The following NIPAL1 variants were observed in gnomAD, a reference collection of about 807,000 sequenced individuals.
NIPAL1 encodes the protein magnesium transporter NIPA3.
NIPAL1 carries 35 observed loss-of-function variants against 37.7 expected under a neutral mutation model. The observed-to-expected ratio is 0.93, with a 90% confidence interval of 0.71 to 1.23. The LOEUF (loss-of-function observed/expected upper bound fraction) is 1.23, where lower values mean the gene tolerates loss of function less well. Among genes scored for constraint, NIPAL1 ranks in the 50% most tolerant of loss-of-function variants. The pLI is 0.00. For synonymous variants in NIPAL1, 162 were observed against 183.0 expected, an observed-to-expected ratio of 0.89 and a Z score of 0.93; for missense variants, 412 against 473.9, an observed-to-expected ratio of 0.87 and a Z score of 1.21.
intron 1 of NIPAL1, among the ~76,000 whole-genome samples, chr4:48,020,967 A>G (rs1329353939): frequency 6.6e-6 from 1 of 152,184 alleles, no homozygotes. Flanking sequence ...TTATATTATT[A>G]TTCTCTATAG....
At chr4:48,035,066 A>C (rs1182989178) in intron 5 of NIPAL1, 25 bp downstream of exon 5, 1 of 1,593,116 alleles carries the variant, frequency 6.3e-7, no homozygotes, top group South Asian at 1.1e-5. Flanking sequence ...CTAAAGAACC[A>C]CTCAAATTCT....
At chr4:48,032,452 C>T (rs565659995) in intron 3 of NIPAL1, among the ~76,000 whole-genome samples, 5 of 152,304 alleles carry the variant, frequency 3.3e-5, no homozygotes, top group East Asian at 1.9e-4. Context: ...GCCTGGATCT[C>T]GTTAAGCTAC....
chr4:48,039,830 G>A lies in NIPAL1; in HGVS notation c.*3658G>A, dbSNP rs1274783165. The A allele has an allele frequency of 6.6e-6, 1 of 152,118 alleles. No homozygotes were observed. Among genetic ancestry groups the A allele is most frequent in the Non-Finnish European group, 1.5e-5 (1 of 68,006 alleles). 9.4% of individuals were successfully genotyped at this position (152,118 alleles called of 1,614,324 possible). ...TAGAGACTTAAAAGGACCATTGAGT[G>A]CCTATTTTTATACATTCATCTTTTC... On this transcript the variant is annotated 3_prime_UTR_variant, in exon 6 of 6. Transcript: ENST00000295461.
At chr4:48,031,807 C>T (rs1205791061) in intron 3 of NIPAL1, among the ~76,000 whole-genome samples, 1 of 152,068 alleles carries the variant, frequency 6.6e-6, no homozygotes, top group African/African-American at 2.4e-5. Flanking sequence ...GGCGTGATCT[C>T]GGTTCACTGC....
Position 48,037,357 on chromosome 4 carries a change from G to A in NIPAL1, c.*1185G>A. The stretch of plus-strand genomic sequence containing the variant: ...AGAAGTCCAGGTGAATTCAGCTTTG[G>A]AGTCACTTATGTTCATTTTTTTTCC... On this transcript the variant is annotated 3_prime_UTR_variant, in exon 6 of 6. Transcript: ENST00000295461. The A allele has an allele frequency of 2.9e-6, 1 of 349,314 alleles. No homozygotes were observed. Among genetic ancestry groups the A allele is most frequent in the Non-Finnish European group, 5.6e-6 (1 of 177,968 alleles). 21.6% of individuals were successfully genotyped at this position (349,314 alleles called of 1,614,324 possible).
At position 48,035,053 on chromosome 4, in the gene NIPAL1, A is replaced by G. The variant is rs772500106; in HGVS notation, c.622+12A>G. 1 of 1,606,872 alleles carries G rather than the reference A, an allele frequency of 6.2e-7. No individual in the cohort carries two copies. The highest frequency in any genetic ancestry group is 8.5e-7 in the Non-Finnish European group (1 of 1,174,220). On this transcript the variant is annotated intron_variant, in intron 5 of 5. Coordinates refer to ENST00000295461, the MANE Select transcript of NIPAL1 (RefSeq NM_207330.3). ...ATTGAGAGACCCAGGTCTGTGATTCAACCTAAAGAACCACTCAAATTCTGC... is the reference window on the plus strand; with the variant it reads ...ATTGAGAGACCCAGGTCTGTGATTCGACCTAAAGAACCACTCAAATTCTGC...
chr4:48,019,466 G>A (rs1415856136), intron 1 of NIPAL1, among the ~76,000 whole-genome samples: 3 of 152,224 alleles, frequency 2.0e-5, no homozygotes, highest in South Asian at 4.1e-4. Context: ...ACATATGATG[G>A]AAAGTGACTG....
chr4:48,038,111 T>C lies in NIPAL1; in HGVS notation c.*1939T>C, dbSNP rs755443592. 1 of 152,230 alleles carries C rather than the reference T, an allele frequency of 6.6e-6. No homozygotes were observed. Among genetic ancestry groups the C allele is most frequent in the Non-Finnish European group, 1.5e-5 (1 of 68,046 alleles). The allele number at this position is 152,230 out of a possible 1,614,324, so 9.4% of individuals were successfully genotyped here. On this transcript the variant is annotated 3_prime_UTR_variant, in exon 6 of 6. Coordinates refer to ENST00000295461, the MANE Select transcript of NIPAL1 (RefSeq NM_207330.3). ...CACAGTTCTATTAAACAATGACTGATGTTCACAATGACAACCTACCTGAGA... is the reference window on the plus strand; with the variant it reads ...CACAGTTCTATTAAACAATGACTGACGTTCACAATGACAACCTACCTGAGA...
intron 5 of NIPAL1, 52 bp from the exon 6 acceptor site, chr4:48,035,510 G>A: frequency 1.3e-6 from 2 of 1,535,516 alleles, no homozygotes; most frequent in Non-Finnish European, 1.8e-6. Flanking sequence ...TTTCAGAAAG[G>A]TATAATCCTG....
intron 1 of NIPAL1, among the ~76,000 whole-genome samples, chr4:48,020,809 A>G (rs1715552599): frequency 6.6e-6 from 1 of 152,204 alleles, no homozygotes; most frequent in East Asian, 1.9e-4. Context: ...ATAATAATCC[A>G]AACTATCACA....
intron 1 of NIPAL1, among the ~76,000 whole-genome samples, chr4:48,020,142 A>G (rs1715540992): frequency 1.3e-5 from 2 of 152,310 alleles, no homozygotes; most frequent in South Asian, 4.1e-4. Flanking sequence ...AGTACACCAT[A>G]CATATTTGTT....
chr4:48,034,794 G>T, intron 4 of NIPAL1, 87 bp from the exon 5 acceptor site: 1 of 934,606 alleles, frequency 1.1e-6, no homozygotes, highest in Admixed American at 2.1e-5. Flanking sequence ...ATACATGGTG[G>T]CATGTACCAC....
In NIPAL1 at chr4:48,028,128, C is replaced by T. The variant is rs566188590; in HGVS notation, c.314-1992C>T. 2.0e-5 allele frequency among the ~76,000 whole-genome samples: 3 copies of T among 152,092 alleles called. No homozygotes were observed. The East Asian group carries it at 5.8e-4, about 29-fold the overall frequency. ...CATCATACAGAAAGTTTTAAGCAAT[C>T]CTAAGCAAAAAGAACAAAGCTGGAG... On this transcript the variant is annotated intron_variant, in intron 2 of 5. Coordinates refer to ENST00000295461, the MANE Select transcript of NIPAL1 (RefSeq NM_207330.3).
chr4:48,031,050 TG>T (rs1024167654), intron 3 of NIPAL1, among the ~76,000 whole-genome samples: 1 of 152,064 alleles, frequency 6.6e-6, no homozygotes, highest in African/African-American at 2.4e-5. Context: ...TGGATTTTTT[TG>T]GGGTTTTTTT....
At position 48,025,335 on chromosome 4, in the gene NIPAL1, G is replaced by T. The variant is rs761622234; in HGVS notation, c.313+1G>T. On this transcript the variant is annotated splice_donor_variant, in intron 2 of 5. Coordinates refer to ENST00000295461, the MANE Select transcript of NIPAL1 (RefSeq NM_207330.3). LOFTEE classifies it high-confidence loss of function. The stretch of plus-strand genomic sequence containing the variant: ...GCCAGCAAGGGCTTTACTAGAGCTG[G>T]TAAGAAACACATGCAACTAATGAAT... The T allele has an allele frequency of 1.9e-6, 3 of 1,612,920 alleles. No homozygotes were observed. Among genetic ancestry groups the T allele is most frequent in the African/African-American group, 2.7e-5 (2 of 74,846 alleles).
chr4:48,017,517 A>G (rs1267034225), intron 1 of NIPAL1, among the ~76,000 whole-genome samples: 1 of 152,220 alleles, frequency 6.6e-6, no homozygotes, highest in African/African-American at 2.4e-5. Context: ...CGAGAGCCGT[A>G]CTGGAGAGGA....
At chr4:48,032,855 A>T (rs1715851829) in intron 3 of NIPAL1, 138 bp from the exon 4 acceptor site, 1 of 572,868 alleles carries the variant, frequency 1.7e-6, no homozygotes, top group East Asian at 3.0e-5. Flanking sequence ...CCTGCTATAA[A>T]ACATGTTACA....
chr4:48,023,975 C>CTTTTTTTTTTTTTTTT (rs11329586), intron 1 of NIPAL1, among the ~76,000 whole-genome samples: 1 of 107,792 alleles, frequency 9.3e-6, no homozygotes, highest in Non-Finnish European at 2.0e-5. Flanking sequence ...CAGATTTCTT[C>CTTTTTTTTTTTTTTTT]TTTTTTTTTT....
In NIPAL1 at chr4:48,036,432, C is replaced by T. The variant is rs1030665432; in HGVS notation, c.*260C>T. 6 of 404,290 alleles carry T rather than the reference C, an allele frequency of 1.5e-5. No individual in the cohort carries two copies. Among genetic ancestry groups the T allele is most frequent in the Non-Finnish European group, 2.2e-5 (5 of 227,366 alleles). The allele number at this position is 404,290 out of a possible 1,614,324, so 25.0% of individuals were successfully genotyped here. ...AGCTATGTGTGTCTCAGAATAATCT[C>T]CTTCTTCTGGTCACAGTATCTTTGT... On this transcript the variant is annotated 3_prime_UTR_variant, in exon 6 of 6. Transcript: ENST00000295461.
Sources: gnomAD v4.1 joint callset for allele counts (sites outside exome capture counted in the v4.1 genomes callset) on GRCh38, gnomAD v4.1.1 for gene constraint, MANE v1.5 for transcripts, NCBI Gene and HGNC (gene_info 2026-07-23, HGNC 2026-07-21) for gene names.